Variants in IGBP1C observed in about 807,000 individuals in gnomAD.
The protein encoded by IGBP1C is IGBP1 family member C, also known as immunoglobulin-binding protein 1 family member C.
the IGBP1C span, chr17:58,660,585 T>C: frequency 7.5e-6 from 6 of 795,446 alleles, no homozygotes; most frequent in Non-Finnish European, 9.2e-6. Context: ...GATTAGCCCA[T>C]GTTCTGTCGG....
chr17:58,667,810 G>A, the IGBP1C span, among the ~76,000 whole-genome samples: 1 of 151,808 alleles, frequency 6.6e-6, no homozygotes, highest in African/African-American at 2.4e-5. Flanking sequence ...GCTTGAACCC[G>A]GGAGGCGAAG....
chr17:58,690,319 A>G, the IGBP1C span, among the ~76,000 whole-genome samples: 1 of 152,094 alleles, frequency 6.6e-6, no homozygotes, highest in East Asian at 1.9e-4. Context: ...GGCATGTACC[A>G]CCATGCTGGC....
At chr17:58,682,493 A>G in the IGBP1C span, among the ~76,000 whole-genome samples, 1 of 151,936 alleles carries the variant, frequency 6.6e-6, no homozygotes, top group Non-Finnish European at 1.5e-5. Context: ...CCTGACCCCA[A>G]ATGATCCACC....
the IGBP1C span, among the ~76,000 whole-genome samples, chr17:58,683,000 T>C: frequency 6.9e-6 from 1 of 145,742 alleles, no homozygotes; most frequent in African/African-American, 2.6e-5. Context: ...TTGCAATGTG[T>C]CGAGATCGCG....
At chr17:58,665,814 G>A in the IGBP1C span, among the ~76,000 whole-genome samples, 1 of 152,024 alleles carries the variant, frequency 6.6e-6, no homozygotes. Flanking sequence ...GGGAGGCCGA[G>A]GAGGGTGGAT....
the IGBP1C span, among the ~76,000 whole-genome samples, chr17:58,687,778 C>A: frequency 6.6e-6 from 1 of 152,180 alleles, no homozygotes; most frequent in Non-Finnish European, 1.5e-5. Flanking sequence ...TATTGGAATA[C>A]TCTGACAGGT....
the IGBP1C span, chr17:58,679,572 T>G: frequency 2.0e-5 from 3 of 152,312 alleles, no homozygotes; most frequent in Middle Eastern, 3.4e-3. Context: ...ATTATGCAAT[T>G]AAGTTTCCCA....
the IGBP1C span, among the ~76,000 whole-genome samples, chr17:58,691,334 A>G: frequency 6.6e-6 from 1 of 152,032 alleles, no homozygotes; most frequent in Non-Finnish European, 1.5e-5. Flanking sequence ...CAATATTTAG[A>G]AAGTTCTTCT....
the IGBP1C span, among the ~76,000 whole-genome samples, chr17:58,676,801 C>A: frequency 2.0e-5 from 3 of 152,054 alleles, no homozygotes; most frequent in South Asian, 4.1e-4. Context: ...GCCTGGGCAA[C>A]ATAGCGAGAC....
chr17:58,670,772 T>C, the IGBP1C span, among the ~76,000 whole-genome samples: 27,367 of 32,928 alleles, frequency 0.83, 12,423 homozygotes, highest in South Asian at 0.89. Context: ...GACTCCCTCT[T>C]AAAAAAAAAA....
At chr17:58,681,875 A>C in the IGBP1C span, among the ~76,000 whole-genome samples, 3 of 152,082 alleles carry the variant, frequency 2.0e-5, no homozygotes, top group East Asian at 5.8e-4. Context: ...GAAAAGAAAA[A>C]AGAAATCTGG....
the IGBP1C span, among the ~76,000 whole-genome samples, chr17:58,685,202 G>A: frequency 1.3e-5 from 2 of 152,036 alleles, no homozygotes; most frequent in African/African-American, 2.4e-5. Flanking sequence ...GGGAGGCCGA[G>A]GTGGGTGGAT....
the IGBP1C span, among the ~76,000 whole-genome samples, chr17:58,665,883 T>C: frequency 6.6e-6 from 1 of 151,860 alleles, no homozygotes; most frequent in African/African-American, 2.4e-5. Context: ...TCGTCTCTAC[T>C]AAAAATACAA....
At chr17:58,684,457 C>T in the IGBP1C span, among the ~76,000 whole-genome samples, 12 of 148,792 alleles carry the variant, frequency 8.1e-5, no homozygotes, top group African/African-American at 2.2e-4. Context: ...AGCGAAACTC[C>T]GTCCCAAAAA....
the IGBP1C span, chr17:58,661,414 G>C: frequency 1.2e-6 from 1 of 837,798 alleles, no homozygotes; most frequent in Non-Finnish European, 2.1e-6. Context: ...GGCTGAACAA[G>C]TCAAGCTGCG....
the IGBP1C span, among the ~76,000 whole-genome samples, chr17:58,678,853 T>TAATAATAATAATAATAATAAA: frequency 2.0e-5 from 3 of 146,762 alleles, no homozygotes; most frequent in African/African-American, 7.6e-5. Flanking sequence ...ATAATAATAA[T>TAATAATAATAATAATAATAAA]AAAAGAGAAG....
At chr17:58,661,371 C>G in the IGBP1C span, 1 of 923,604 alleles carries the variant, frequency 1.1e-6, no homozygotes, top group Non-Finnish European at 1.8e-6. Flanking sequence ...TACTTCAGGT[C>G]GGTGGAAGTA....
At chr17:58,684,670 TAAATAAATAA>T in the IGBP1C span, among the ~76,000 whole-genome samples, 2 of 147,032 alleles carry the variant, frequency 1.4e-5, no homozygotes, top group Non-Finnish European at 3.0e-5. Flanking sequence ...AATAAATAAA[TAAATAAATAA>T]AAAGCTTTCT....
chr17:58,678,759 C>T, the IGBP1C span, among the ~76,000 whole-genome samples: 1 of 150,958 alleles, frequency 6.6e-6, no homozygotes, highest in African/African-American at 2.4e-5. Flanking sequence ...ACCAACATGG[C>T]ACATGTATAC....
Sources: allele counts gnomAD v4.1 joint callset (sites outside exome capture counted in the v4.1 genomes callset), GRCh38; gene constraint gnomAD v4.1.1; transcripts MANE v1.5; gene names NCBI Gene and HGNC (gene_info 2026-07-23, HGNC 2026-07-21).